ONECUT1: variants seen among roughly 807,000 people sequenced by gnomAD.
ONECUT1 encodes the protein one cut homeobox 1.
Under a neutral mutation model 25.6 loss-of-function variants are expected in ONECUT1, and 12 were observed. The observed-to-expected ratio is 0.47, with a 90% CI of 0.30 to 0.76. The LOEUF is 0.76. Among genes scored for constraint, ONECUT1 ranks in the 30% least tolerant of loss-of-function variants. ONECUT1 has a pLI of 0.07. For missense variants in ONECUT1, 620 were observed against 651.2 expected, an observed-to-expected ratio of 0.95 and a Z score of 0.52; for synonymous variants, 285 against 270.2, an observed-to-expected ratio of 1.05 and a Z score of -0.54.
At chr15:52,768,896 G>A (rs1304415314) in intron 1 of ONECUT1, among the ~76,000 whole-genome samples, 2 of 152,124 alleles carry the variant, frequency 1.3e-5, no homozygotes, top group Non-Finnish European at 2.9e-5. Flanking sequence ...GCCCTTGGCG[G>A]CTACTCTACC....
rs543612021 is a variant in ONECUT1, at chr15:52,768,077, G to A, written c.1106-10230C>T. ...GGGGGATAAAGAGGGGATGCTTAAT[G>A]GGTACAAAAATACAATTAGATAGAA... On this transcript the variant is annotated intron_variant, in intron 1 of 1. Transcript: ENST00000305901. 1.8e-4 allele frequency among the ~76,000 whole-genome samples: 27 copies of A among 152,270 alleles called. No homozygotes were observed. The South Asian group carries it at 3.5e-3, about 20-fold the overall frequency.
At chr15:52,785,572 T>A (rs896674537) in intron 1 of ONECUT1, among the ~76,000 whole-genome samples, 2 of 152,118 alleles carry the variant, frequency 1.3e-5, no homozygotes, top group Non-Finnish European at 2.9e-5. Context: ...TGTGTCGCTG[T>A]CTCTTTCCGA....
At chr15:52,777,573 C>T (rs1238720336) in intron 1 of ONECUT1, among the ~76,000 whole-genome samples, 3 of 152,042 alleles carry the variant, frequency 2.0e-5, no homozygotes, top group African/African-American at 7.3e-5. Context: ...AGCCAGGGCC[C>T]CCACGCATGC....
chr15:52,757,430 T>A lies in ONECUT1; in HGVS notation c.*125A>T. 2 of 1,140,564 alleles carry A rather than the reference T, an allele frequency of 1.8e-6. No individual in the cohort carries two copies. Among genetic ancestry groups the A allele is most frequent in the Non-Finnish European group, 2.5e-6 (2 of 812,168 alleles). 70.7% of individuals were successfully genotyped at this position (1,140,564 alleles called of 1,614,324 possible). A position where few individuals can be genotyped will look rare whatever the true frequency, so the allele number is the denominator to read the frequency against. On this transcript the variant is annotated 3_prime_UTR_variant, in exon 2 of 2. Transcript: ENST00000305901. ...CTAAGTCTTTGGTTTCTTTGGACTA[T>A]AAATAACGCTTTTTTTTCTTCAAAT...
intron 1 of ONECUT1, among the ~76,000 whole-genome samples, chr15:52,764,035 T>G (rs1596046671): frequency 6.6e-6 from 1 of 152,202 alleles, no homozygotes; most frequent in African/African-American, 2.4e-5. Flanking sequence ...TAGTAACATC[T>G]TAGGATCAGT....
At position 52,789,656 on chromosome 15, in the gene ONECUT1, G is replaced by GCT; in HGVS notation, c.227_228dup (p.His77SerfsTer12). 6.5e-7 allele frequency: 1 copy of GCT among 1,542,612 alleles called. No individual in the cohort carries two copies. The highest frequency in any genetic ancestry group is 8.7e-7 in the Non-Finnish European group (1 of 1,146,690). On this transcript the variant is annotated frameshift_variant, in exon 1 of 2. Transcript: ENST00000305901. LOFTEE classifies it high-confidence loss of function. This position sits in a 1 kb window ranked among gnomAD's most constrained non-coding sequence, Gnocchi z 4.1. ...GGATGCAGGGGGCCGGCCAGGCTGT[G>GCT]CTCAGGGGCCCGGTGGTGGTGGTGG...
At chr15:52,781,820 T>C (rs1388150923) in intron 1 of ONECUT1, among the ~76,000 whole-genome samples, 1 of 152,192 alleles carries the variant, frequency 6.6e-6, no homozygotes, top group Non-Finnish European at 1.5e-5. Context: ...GATTCCAATG[T>C]ATAGCAAGAT....
rs1334934884 is a variant in ONECUT1, at chr15:52,755,935, A to G, written c.*1620T>C. Among the ~76,000 whole-genome samples, 4 of 152,306 alleles carry G rather than the reference A, an allele frequency of 2.6e-5. No individual in the cohort carries two copies. Among genetic ancestry groups the G allele is most frequent in the South Asian group, 4.1e-4 (2 of 4,828 alleles). On this transcript the variant is annotated 3_prime_UTR_variant, in exon 2 of 2. Transcript: ENST00000305901. ...CTCTGGTTAAGTGATTTGGACAAATAGAAATTTAAAATTTTGTATTTGTAA... is the reference window on the plus strand; with the variant it reads ...CTCTGGTTAAGTGATTTGGACAAATGGAAATTTAAAATTTTGTATTTGTAA...
chr15:52,785,538 C>T (rs1239270029), intron 1 of ONECUT1, among the ~76,000 whole-genome samples: 1 of 152,226 alleles, frequency 6.6e-6, no homozygotes, highest in African/African-American at 2.4e-5. Context: ...CCTGGGTCCG[C>T]GGTGCTGCGC....
chr15:52,777,754 T>G (rs2083813557), intron 1 of ONECUT1, among the ~76,000 whole-genome samples: 1 of 120,370 alleles, frequency 8.3e-6, no homozygotes, highest in Non-Finnish European at 1.7e-5. Flanking sequence ...ACATGTAAAG[T>G]TATTTGTTCT....
At position 52,789,261 on chromosome 15, in the gene ONECUT1, G is replaced by A; in HGVS notation, c.624C>T (p.Pro208=). The change falls in exon 1 of 2, where the codon CCC becomes CCT. Residue 208 remains proline, a synonymous_variant. Coordinates refer to ENST00000305901, the MANE Select transcript of ONECUT1 (RefSeq NM_004498.4). The surrounding 1 kb of genome is among the most constrained non-coding windows in gnomAD (Gnocchi z 4.1). ...PHYAHPGAAM[P]TDKMLTPNGF... ...CGTTGGGGGTGAGCATCTTGTCGGTGGGCATGGCGGCCCCCGGGTGGGCAT... is the reference window on the plus strand; with the variant it reads ...CGTTGGGGGTGAGCATCTTGTCGGTAGGCATGGCGGCCCCCGGGTGGGCAT... 6.5e-7 allele frequency: 1 copy of A among 1,547,544 alleles called. No homozygotes were observed. Among genetic ancestry groups the A allele is most frequent in the Non-Finnish European group, 8.7e-7 (1 of 1,147,428 alleles).
At chr15:52,769,774 A>G (rs1246029281) in intron 1 of ONECUT1, among the ~76,000 whole-genome samples, 2 of 152,326 alleles carry the variant, frequency 1.3e-5, no homozygotes, top group East Asian at 3.9e-4. Flanking sequence ...GGGGCCACTG[A>G]GTACCAGAGG....
chr15:52,777,002 G>T (rs539419143), intron 1 of ONECUT1, among the ~76,000 whole-genome samples: 1 of 152,334 alleles, frequency 6.6e-6, no homozygotes, highest in African/African-American at 2.4e-5. Context: ...TCCCAGGTGA[G>T]GTCGATGTTG....
At chr15:52,779,946 G>A (rs1210850145) in intron 1 of ONECUT1, among the ~76,000 whole-genome samples, 1 of 152,210 alleles carries the variant, frequency 6.6e-6, no homozygotes, top group Non-Finnish European at 1.5e-5. Context: ...TGGAGCTGGG[G>A]AGGAAAAGGA....
chr15:52,775,023 C>T (rs559766974), intron 1 of ONECUT1, among the ~76,000 whole-genome samples: 11 of 152,214 alleles, frequency 7.2e-5, no homozygotes, highest in African/African-American at 2.6e-4. Context: ...AACTCTGTCT[C>T]TACTGAAAAT....
At chr15:52,769,190 T>C (rs563666156) in intron 1 of ONECUT1, among the ~76,000 whole-genome samples, 1 of 152,154 alleles carries the variant, frequency 6.6e-6, no homozygotes, top group South Asian at 2.1e-4. Context: ...CCAGGGAGAG[T>C]TGTTGTCTTT....
intron 1 of ONECUT1, among the ~76,000 whole-genome samples, chr15:52,763,468 G>A (rs1409321721): frequency 1.3e-5 from 2 of 152,212 alleles, no homozygotes; most frequent in Non-Finnish European, 2.9e-5. Context: ...CCTATAGTGG[G>A]CAAGGCAGAG....
In ONECUT1 at chr15:52,755,690, A is replaced by G. The variant is rs2083670851; in HGVS notation, c.*1865T>C. ...TCTTTGGCATTTTTAATGAATCTCA[A>G]TAAAACAACTTATCATTAGGATAAC... is the stretch of plus-strand genomic sequence containing the variant. On this transcript the variant is annotated 3_prime_UTR_variant, in exon 2 of 2. Coordinates refer to ENST00000305901, the MANE Select transcript of ONECUT1 (RefSeq NM_004498.4). 1.3e-5 allele frequency among the ~76,000 whole-genome samples: 2 copies of G among 152,222 alleles called. No individual in the cohort carries two copies. The highest frequency in any genetic ancestry group is 2.1e-4 in the South Asian group (1 of 4,824).
intron 1 of ONECUT1, among the ~76,000 whole-genome samples, chr15:52,783,605 G>A (rs566345520): frequency 1.3e-5 from 2 of 152,300 alleles, no homozygotes; most frequent in African/African-American, 2.4e-5. Context: ...TCAGCTCAAG[G>A]CCTCAGGGCT....
Sources: allele counts gnomAD v4.1 joint callset (sites outside exome capture counted in the v4.1 genomes callset), GRCh38; gene constraint gnomAD v4.1.1; non-coding constraint Gnocchi (gnomAD v3.1); transcripts MANE v1.5; gene names NCBI Gene and HGNC (gene_info 2026-07-23, HGNC 2026-07-21).